Variants in ANK2 observed in about 807,000 individuals in gnomAD.
ANK2 encodes ankyrin 2, also known as ankyrin-2.
A neutral mutation model predicts 360.5 loss-of-function variants in ANK2; 83 were observed. The ratio of observed to expected loss-of-function variants is 0.23; its 90% confidence interval spans 0.19 to 0.28. The LOEUF (loss-of-function observed/expected upper bound fraction) is 0.28. ANK2 is among the 10% of genes least tolerant of loss of function. ANK2 has a pLI of 1.00. For synonymous variants in ANK2, 1,740 were observed against 1,759.5 expected, an observed-to-expected ratio of 0.99 and a Z score of 0.28; for missense variants, 4,201 against 4,795.7, an observed-to-expected ratio of 0.88 and a Z score of 3.66.
At chr4:112,772,936 A>G in the ANK2 span, among the ~76,000 whole-genome samples, 1 of 152,208 alleles carries the variant, frequency 6.6e-6, no homozygotes, top group African/African-American at 2.4e-5. Context: ...AAGCTTTGAA[A>G]AGACATACAG....
In ANK2 at chr4:113,163,629, T is replaced by C. The variant is rs529467822; in HGVS notation, c.85-10787T>C. Among the ~76,000 whole-genome samples the C allele has an allele frequency of 1.8e-3, 280 of 151,534 alleles. 2 individuals are homozygous for C. The highest frequency in any genetic ancestry group is 6.8e-3 in the Middle Eastern group (2 of 292). On this transcript the variant is annotated intron_variant, in intron 1 of 45. Transcript: ENST00000357077. ...AAAATACAAAATTAGCCTGGCATGG[T>C]GGTGCATGCCTGTAATCCCAGCTAC...
chr4:113,297,746 G>C (rs573707312), intron 22 of ANK2, among the ~76,000 whole-genome samples: 3 of 151,994 alleles, frequency 2.0e-5, no homozygotes, highest in African/African-American at 7.2e-5. Context: ...GCTATAATAT[G>C]TATATTTATA....
chr4:113,138,016 G>A (rs1189881174), intron 1 of ANK2, among the ~76,000 whole-genome samples: 1 of 152,144 alleles, frequency 6.6e-6, no homozygotes, highest in Non-Finnish European at 1.5e-5. Flanking sequence ...CAAAAGTAGG[G>A]CAAGATTGAA....
At chr4:112,878,033 A>T (rs1237742105) in intron 1 of ANK2, among the ~76,000 whole-genome samples, 1 of 152,192 alleles carries the variant, frequency 6.6e-6, no homozygotes, top group Non-Finnish European at 1.5e-5. Flanking sequence ...TTATCATTTT[A>T]TGCCATACAT....
chr4:113,003,149 T>C (rs866938099), intron 2 of ANK2, among the ~76,000 whole-genome samples: 4 of 152,192 alleles, frequency 2.6e-5, no homozygotes, highest in Non-Finnish European at 5.9e-5. Flanking sequence ...TAATTCTTTA[T>C]AACCCCAATT....
chr4:112,754,590 T>C, the ANK2 span, among the ~76,000 whole-genome samples: 2 of 151,760 alleles, frequency 1.3e-5, no homozygotes, highest in Admixed American at 6.6e-5. Context: ...AAAGTACAGA[T>C]TTTTAGCTTA....
At chr4:112,706,242 G>T in the ANK2 span, among the ~76,000 whole-genome samples, 6 of 152,126 alleles carry the variant, frequency 3.9e-5, no homozygotes, top group African/African-American at 1.2e-4. Flanking sequence ...TGCGGGAGGG[G>T]CGCCGGCACC....
In ANK2 at chr4:113,302,851, A is replaced by T; in HGVS notation, c.2548+12A>T. On this transcript the variant is annotated intron_variant, in intron 23 of 45. Coordinates refer to ENST00000357077, the MANE Select transcript of ANK2 (RefSeq NM_001148.6). ...TTCTGATGAAGAGGGTAAGACTTCT[A>T]TTCAATCTTCTATGACACCTGTCAT... 1 of 1,605,414 alleles carries T rather than the reference A, an allele frequency of 6.2e-7. No individual in the cohort carries two copies. Among genetic ancestry groups the T allele is most frequent in the South Asian group, 1.1e-5 (1 of 90,930 alleles).
At chr4:113,083,935 A>C (rs34633474) in intron 1 of ANK2, among the ~76,000 whole-genome samples, 43,729 of 152,106 alleles carry the variant, frequency 0.29, 7,698 homozygotes, top group Admixed American at 0.41. Context: ...AGCACAAAAC[A>C]TGCTTAAATT....
At chr4:113,349,829 T>G (rs2154003705) in intron 36 of ANK2, among the ~76,000 whole-genome samples, 2 of 152,290 alleles carry the variant, frequency 1.3e-5, no homozygotes, top group South Asian at 4.1e-4. Flanking sequence ...ATGAAACTAC[T>G]TCTGTAGAAC....
chr4:113,086,477 C>G (rs1581156824), intron 1 of ANK2, among the ~76,000 whole-genome samples: 1 of 152,204 alleles, frequency 6.6e-6, no homozygotes. Context: ...TTAGTGCCAA[C>G]TCTCTGGCAG....
chr4:112,804,210 C>T, the ANK2 span, among the ~76,000 whole-genome samples: 1 of 151,992 alleles, frequency 6.6e-6, no homozygotes, highest in Non-Finnish European at 1.5e-5. Flanking sequence ...TTAGTAGAGA[C>T]GGGGTTTCAC....
chr4:113,001,682 AT>A (rs2050739683), intron 2 of ANK2, among the ~76,000 whole-genome samples: 1 of 152,290 alleles, frequency 6.6e-6, no homozygotes, highest in African/African-American at 2.4e-5. Context: ...AGTTCTGGTC[AT>A]TCCTCAGTCA....
chr4:113,056,768 A>G (rs1026692492), intron 1 of ANK2, among the ~76,000 whole-genome samples: 1 of 152,156 alleles, frequency 6.6e-6, no homozygotes, highest in Non-Finnish European at 1.5e-5. Context: ...AAAAAGCTGC[A>G]GGGAGAAGGG....
chr4:113,257,169 A>G (rs999574091), intron 11 of ANK2, among the ~76,000 whole-genome samples: 2 of 152,256 alleles, frequency 1.3e-5, no homozygotes, highest in Admixed American at 6.5e-5. Flanking sequence ...ATGTTGGGAC[A>G]TGCGAAATTG....
chr4:112,731,083 A>G, the ANK2 span, among the ~76,000 whole-genome samples: 1 of 151,902 alleles, frequency 6.6e-6, no homozygotes. Context: ...TGGAGGTTGC[A>G]GTGGGCCGAG....
Position 112,867,872 on chromosome 4 carries a change from A to G in ANK2, c.-39-36583A>G, listed in dbSNP as rs191976213. On this transcript the variant is annotated intron_variant, in intron 1 of 30. Transcript: ENST00000503271. ...ATGTTACTATAAATATTTGTGTACA[A>G]ATTTTCATGTGGACATAACATTTTC... Among the ~76,000 whole-genome samples, 63 of 152,260 alleles carry G rather than the reference A, an allele frequency of 4.1e-4. No individual in the cohort carries two copies. In the East Asian group the frequency reaches 0.012, roughly 28 times the overall value.
chr4:112,876,894 G>A (rs370860103), intron 1 of ANK2, among the ~76,000 whole-genome samples: 19 of 152,188 alleles, frequency 1.2e-4, no homozygotes, highest in East Asian at 9.7e-4. Context: ...GAGATAATTT[G>A]TTGCACTGAT....
intron 2 of ANK2, among the ~76,000 whole-genome samples, chr4:113,023,184 T>C (rs2058543012): frequency 6.6e-6 from 1 of 152,202 alleles, no homozygotes. Context: ...AAAACAGAAG[T>C]GAGCCAGTTC....
Sources: gnomAD v4.1 joint callset for allele counts (sites outside exome capture counted in the v4.1 genomes callset) on GRCh38, gnomAD v4.1.1 for gene constraint, MANE v1.5 for transcripts, NCBI Gene and HGNC (gene_info 2026-07-23, HGNC 2026-07-21) for gene names.